Variants in ETV1 observed in about 807,000 individuals in gnomAD.
ETV1 encodes the protein ETS variant transcription factor 1.
ETV1 carries 27 observed loss-of-function variants against 62.3 expected under a neutral mutation model. The ratio of observed to expected loss-of-function variants is 0.43; its 90% CI spans 0.32 to 0.60. The LOEUF (loss-of-function observed/expected upper bound fraction) is 0.60, where lower values mean the gene tolerates loss of function less well. ETV1 is among the 20% of genes least tolerant of loss of function. The pLI is 0.06. For missense variants in ETV1, 605 were observed against 605.8 expected, an observed-to-expected ratio of 1.00 and a Z score of 0.01; for synonymous variants, 222 against 199.6, an observed-to-expected ratio of 1.11 and a Z score of -0.94.
At chr7:13,905,698 C>T (rs1251387817) in intron 12 of ETV1, among the ~76,000 whole-genome samples, 1 of 152,156 alleles carries the variant, frequency 6.6e-6, no homozygotes, top group Non-Finnish European at 1.5e-5. Context: ...TCCTCCATTT[C>T]TCTGTACAGT....
chr7:13,944,113 G>C (rs1173537620), intron 6 of ETV1, among the ~76,000 whole-genome samples: 4 of 152,142 alleles, frequency 2.6e-5, no homozygotes, highest in African/African-American at 9.7e-5. Context: ...AGAAGCAAAA[G>C]GCATGATCCA....
intron 13 of ETV1, among the ~76,000 whole-genome samples, chr7:13,899,902 G>C (rs986083160): frequency 6.6e-6 from 1 of 152,224 alleles, no homozygotes; most frequent in Admixed American, 6.5e-5. Context: ...GCCAAGGCAG[G>C]CAGATCACCT....
rs543513750 is a variant in ETV1, at chr7:13,931,662, C to T, written c.642G>A (p.Gln214=). ...PREGRPMYQR[Q]MSEPNIPFPP... is the part of the protein sequence containing the mutation. ...GGAAGGGGATGTTTGGCTCAGACAT[C>T]TGGCGTTGGTACATAGGACGTCCTT... The change falls in exon 9 of 14, where the codon CAG becomes CAA. Residue 214 remains glutamine, a synonymous_variant. Coordinates refer to ENST00000430479, the MANE Select transcript of ETV1 (RefSeq NM_004956.5). 8.5e-5 allele frequency: 137 copies of T among 1,613,928 alleles called. No individual in the cohort carries two copies. In the South Asian group the frequency reaches 1.4e-3, roughly 17 times the overall value.
chr7:13,986,101 G>T lies in ETV1; in HGVS notation c.181+537C>A, dbSNP rs531049508. The T allele has an allele frequency of 1.4e-5, 22 of 1,552,852 alleles. No individual in the cohort carries two copies. In the East Asian group the frequency reaches 3.2e-4, roughly 23 times the overall value. On this transcript the variant is annotated intron_variant, in intron 5 of 13. Coordinates refer to ENST00000430479, the MANE Select transcript of ETV1 (RefSeq NM_004956.5). ...TATTTTAAACCCATAGATTTCCTAA[G>T]CATTAGATACACACCTAACGTTCTG...
At chr7:13,966,392 G>T (rs73052213) in intron 6 of ETV1, among the ~76,000 whole-genome samples, 1 of 152,152 alleles carries the variant, frequency 6.6e-6, no homozygotes, top group East Asian at 1.9e-4. Context: ...CAGCACAGTA[G>T]GGGGCCAAGG....
At chr7:13,944,197 A>G (rs2128464951) in intron 6 of ETV1, among the ~76,000 whole-genome samples, 1 of 152,332 alleles carries the variant, frequency 6.6e-6, no homozygotes, top group Middle Eastern at 3.4e-3. Context: ...TGACCTTAGA[A>G]GAAAGGGCAT....
rs1036118595 is a variant in ETV1, at chr7:13,989,345, T to C, written c.-165A>G. ...GCAAAAATCCGAACAAGAGGCGATG[T>C]ATTTATTTACACTCTCGATGTTTCC... is the stretch of plus-strand genomic sequence containing the variant. On this transcript the variant is annotated 5_prime_UTR_variant, in exon 2 of 14. In the 5' UTR this introduces an upstream ATG that the reference lacks. Transcript: ENST00000430479. 4 of 508,982 alleles carry C rather than the reference T, an allele frequency of 7.9e-6. No individual in the cohort carries two copies. Among genetic ancestry groups the C allele is most frequent in the Admixed American group, 3.7e-5 (1 of 26,838 alleles). 31.5% of individuals were successfully genotyped at this position (508,982 alleles called of 1,614,324 possible).
At chr7:13,920,656 G>A (rs970725413) in intron 9 of ETV1, among the ~76,000 whole-genome samples, 6 of 152,150 alleles carry the variant, frequency 3.9e-5, no homozygotes, top group Non-Finnish European at 7.4e-5. Flanking sequence ...CATTTGGCCT[G>A]TGTTAATGCA....
intron 6 of ETV1, among the ~76,000 whole-genome samples, chr7:13,965,252 A>C (rs576557426): frequency 6.6e-6 from 1 of 152,322 alleles, no homozygotes; most frequent in African/African-American, 2.4e-5. Context: ...TGCAGCCTAG[A>C]CAAGGACTGG....
intron 12 of ETV1, 41 bp from the exon 13 acceptor site, chr7:13,900,880 C>T (rs1782342068): frequency 2.3e-6 from 3 of 1,287,708 alleles, no homozygotes; most frequent in African/African-American, 1.5e-5. Context: ...TAAGTATTAA[C>T]TTATCAGCAT....
chr7:13,934,502 T>A (rs1786558388), intron 8 of ETV1, among the ~76,000 whole-genome samples: 1 of 152,218 alleles, frequency 6.6e-6, no homozygotes, highest in Non-Finnish European at 1.5e-5. Flanking sequence ...CTGAGTTATT[T>A]TTACAACGGT....
chr7:13,931,404 A>T lies in ETV1; in HGVS notation c.802+98T>A. ...AAAATCTGAAAGATCTTATTAAAAA[A>T]TGGTCAGGAGCTACCTAGTCTGATA... On this transcript the variant is annotated intron_variant, in intron 9 of 13. Coordinates refer to ENST00000430479, the MANE Select transcript of ETV1 (RefSeq NM_004956.5). The T allele has an allele frequency of 6.9e-6, 9 of 1,299,952 alleles. No individual in the cohort carries two copies. In the South Asian group the frequency reaches 1.2e-4, roughly 18 times the overall value. The allele number at this position is 1,299,952 out of a possible 1,614,324, so 80.5% of individuals were successfully genotyped here.
At position 13,937,461 on chromosome 7, in the gene ETV1, T is replaced by G. The variant is rs528017773; in HGVS notation, c.366-1565A>C. On this transcript the variant is annotated intron_variant, in intron 7 of 13. Transcript: ENST00000430479. ...CAGAATTTATTGCATATGCCATATA[T>G]CACTGTGGGGACTTTTCATCCCCCA... is the stretch of plus-strand genomic sequence containing the variant. Among the ~76,000 whole-genome samples, 5 of 152,354 alleles carry G rather than the reference T, an allele frequency of 3.3e-5. No individual in the cohort carries two copies. In the South Asian group the frequency reaches 1.0e-3, roughly 32 times the overall value.
At chr7:13,958,064 G>C (rs1789701662) in intron 6 of ETV1, among the ~76,000 whole-genome samples, 1 of 152,158 alleles carries the variant, frequency 6.6e-6, no homozygotes, top group Non-Finnish European at 1.5e-5. Context: ...CTTAGCCAGT[G>C]ACTATTTCTT....
Position 13,893,900 on chromosome 7 carries a change from T to A in ETV1, c.*1966A>T, listed in dbSNP as rs150225408. Reference sequence around the variant, plus strand: ...CAAAATGGGCCAAAATAATACATGATGTATATGAACAACAATCATTGAAAT... The same window carrying A: ...CAAAATGGGCCAAAATAATACATGAAGTATATGAACAACAATCATTGAAAT... On this transcript the variant is annotated 3_prime_UTR_variant, in exon 14 of 14. Coordinates refer to ENST00000430479, the MANE Select transcript of ETV1 (RefSeq NM_004956.5). The A allele has an allele frequency of 4.3e-6, 1 of 233,150 alleles. No individual in the cohort carries two copies. The highest frequency in any genetic ancestry group is 8.5e-6 in the Non-Finnish European group (1 of 117,826). 14.4% of individuals were successfully genotyped at this position (233,150 alleles called of 1,614,324 possible).
chr7:13,923,591 A>C (rs1368939635), intron 9 of ETV1, among the ~76,000 whole-genome samples: 1 of 152,166 alleles, frequency 6.6e-6, no homozygotes, highest in East Asian at 1.9e-4. Flanking sequence ...TTCTGCCTAC[A>C]CATAATTTTT....
chr7:13,915,958 G>A (rs28703937), intron 9 of ETV1, among the ~76,000 whole-genome samples: 1 of 151,940 alleles, frequency 6.6e-6, no homozygotes, highest in Non-Finnish European at 1.5e-5. Context: ...TGATGTGAAT[G>A]TAACATCTTA....
chr7:13,942,064 C>T (rs1464980550), intron 6 of ETV1, among the ~76,000 whole-genome samples: 2 of 145,642 alleles, frequency 1.4e-5, no homozygotes, highest in Admixed American at 7.0e-5. Context: ...CACTCTTTCG[C>T]CCAGGCTGGA....
At chr7:13,973,682 G>C (rs1001417606) in intron 6 of ETV1, among the ~76,000 whole-genome samples, 14 of 151,068 alleles carry the variant, frequency 9.3e-5, no homozygotes, top group African/African-American at 3.4e-4. Context: ...ACTTATTTTT[G>C]CCTCTGTTTA....
Sources: allele counts gnomAD v4.1 joint callset (sites outside exome capture counted in the v4.1 genomes callset), GRCh38; gene constraint gnomAD v4.1.1; transcripts MANE v1.5; gene names NCBI Gene and HGNC (gene_info 2026-07-23, HGNC 2026-07-21).